The following RGS6 variants were observed in gnomAD, a reference collection of about 807,000 sequenced individuals.
RGS6 encodes regulator of G-protein signaling 6.
A neutral mutation model predicts 78.5 loss-of-function variants in RGS6; 30 were observed. The ratio of observed to expected loss-of-function variants is 0.38; its 90% CI spans 0.29 to 0.52. RGS6 has a LOEUF of 0.52. Among genes scored for constraint, RGS6 ranks in the 20% least tolerant of loss-of-function variants. The pLI is 0.85. For missense variants in RGS6, 495 were observed against 609.7 expected (o/e 0.81, Z 1.98); for synonymous variants, 206 against 206.0 (o/e 1.00, Z 0.00).
intron 2 of RGS6, among the ~76,000 whole-genome samples, chr14:72,000,969 T>TCA (rs1325276899): frequency 6.6e-6 from 1 of 152,232 alleles, no homozygotes; most frequent in African/African-American, 2.4e-5. Context: ...GAATATATCC[T>TCA]GATTTCTCCC....
intron 3 of RGS6, among the ~76,000 whole-genome samples, chr14:72,353,746 G>A (rs968250003): frequency 5.9e-5 from 9 of 152,268 alleles, no homozygotes; most frequent in East Asian, 1.9e-4. Context: ...ACTTTAGGAG[G>A]CTGAGGTAGG....
chr14:72,317,686 T>A (rs1032815679), intron 2 of RGS6, among the ~76,000 whole-genome samples: 1 of 152,198 alleles, frequency 6.6e-6, no homozygotes, highest in African/African-American at 2.4e-5. Flanking sequence ...GAGTCTGTTA[T>A]AAGCTTTGAT....
At chr14:72,179,886 C>T (rs1222663199) in intron 2 of RGS6, among the ~76,000 whole-genome samples, 1 of 152,092 alleles carries the variant, frequency 6.6e-6, no homozygotes, top group Non-Finnish European at 1.5e-5. Flanking sequence ...ATGAGCCTAC[C>T]AGATGATTCT....
the RGS6 span, among the ~76,000 whole-genome samples, chr14:71,899,156 A>C: frequency 1.3e-5 from 2 of 152,134 alleles, no homozygotes; most frequent in Non-Finnish European, 2.9e-5. Flanking sequence ...ATATTTAAAA[A>C]CCACACAGGT....
At chr14:72,620,779 C>A in the RGS6 span, among the ~76,000 whole-genome samples, 1 of 152,214 alleles carries the variant, frequency 6.6e-6, no homozygotes, top group African/African-American at 2.4e-5. Flanking sequence ...GGTACTTTCC[C>A]TTTCTGTGAC....
At chr14:72,014,355 G>A (rs2153232813) in intron 2 of RGS6, among the ~76,000 whole-genome samples, 2 of 152,286 alleles carry the variant, frequency 1.3e-5, no homozygotes, top group South Asian at 2.1e-4. Context: ...TTCCATTGAT[G>A]TTGCTATTGC....
chr14:72,278,325 C>T (rs1165840098), intron 2 of RGS6, among the ~76,000 whole-genome samples: 2 of 152,214 alleles, frequency 1.3e-5, no homozygotes, highest in East Asian at 3.9e-4. Context: ...TTTACAGGCT[C>T]ATGGTGAGGG....
intron 2 of RGS6, among the ~76,000 whole-genome samples, chr14:72,068,057 G>A: frequency 6.6e-6 from 1 of 152,132 alleles, no homozygotes; most frequent in East Asian, 1.9e-4. Flanking sequence ...ATGCTGATGG[G>A]GGGATACTTT....
intron 2 of RGS6, among the ~76,000 whole-genome samples, chr14:72,059,736 A>T (rs908815511): frequency 6.6e-6 from 1 of 152,054 alleles, no homozygotes; most frequent in Non-Finnish European, 1.5e-5. Flanking sequence ...GACCCTCTTG[A>T]TGGGATTCAT....
chr14:72,002,380 G>T (rs1208363503), intron 2 of RGS6, among the ~76,000 whole-genome samples: 1 of 152,188 alleles, frequency 6.6e-6, no homozygotes, highest in Non-Finnish European at 1.5e-5. Flanking sequence ...GCTTTGAGTG[G>T]CATTTTAGAC....
At position 72,548,344 on chromosome 14, in the gene RGS6, C is replaced by CGCGCGTGTGTGTGTGTGTGT. The variant is rs1555467743; in HGVS notation, c.1422+8252_1422+8271dup. 8.8e-4 allele frequency among the ~76,000 whole-genome samples: 87 copies of CGCGCGTGTGTGTGTGTGTGT among 98,658 alleles called. 1 individual carries two copies. Among genetic ancestry groups the CGCGCGTGTGTGTGTGTGTGT allele is most frequent in the Admixed American group, 4.1e-3 (40 of 9,872 alleles). 64.7% of individuals were successfully genotyped at this position (98,658 alleles called of 152,430 possible). A position where few individuals can be genotyped will look rare whatever the true frequency, so the allele number is the denominator to read the frequency against. ...GATCATATTTGTGTGTGTGTGTGTG[C>CGCGCGTGTGTGTGTGTGTGT]GCGCGTGTGTGTGTGTGTGTGTGTG... is the stretch of plus-strand genomic sequence containing the variant. On this transcript the variant is annotated intron_variant, in intron 17 of 17. Coordinates refer to ENST00000553525, the MANE Select transcript of RGS6 (RefSeq NM_001204424.2).
chr14:72,355,005 C>A (rs12892244), intron 3 of RGS6, among the ~76,000 whole-genome samples: 27,536 of 151,920 alleles, frequency 0.18, 2,837 homozygotes, highest in East Asian at 0.48. Context: ...ATTTCACAGG[C>A]CACACTGATC....
chr14:72,142,256 A>C (rs758105330), intron 2 of RGS6, among the ~76,000 whole-genome samples: 2 of 152,066 alleles, frequency 1.3e-5, no homozygotes, highest in Non-Finnish European at 2.9e-5. Flanking sequence ...TTTTGGTAAC[A>C]ATGTATTCTT....
the RGS6 span, among the ~76,000 whole-genome samples, chr14:72,583,313 A>G: frequency 3.5e-4 from 54 of 152,264 alleles, no homozygotes; most frequent in African/African-American, 1.2e-3. Context: ...CCCCTAATAA[A>G]TCCTCTCTCA....
At chr14:72,591,732 T>C in the RGS6 span, among the ~76,000 whole-genome samples, 1 of 152,210 alleles carries the variant, frequency 6.6e-6, no homozygotes, top group Non-Finnish European at 1.5e-5. Flanking sequence ...CCTTGTTGTG[T>C]GGCAGACCAG....
chr14:72,558,077 A>C (rs1169034183), intron 17 of RGS6, among the ~76,000 whole-genome samples: 1 of 152,102 alleles, frequency 6.6e-6, no homozygotes, highest in Non-Finnish European at 1.5e-5. Flanking sequence ...AAGTGTATGC[A>C]CCCGTGTAAC....
chr14:72,516,060 C>T (rs2096938824), intron 14 of RGS6, among the ~76,000 whole-genome samples: 6 of 152,256 alleles, frequency 3.9e-5, no homozygotes, highest in Admixed American at 3.9e-4. Flanking sequence ...GTCTGCCTAG[C>T]ATGGGGCTGA....
At chr14:72,258,496 T>C (rs1434670302) in intron 2 of RGS6, among the ~76,000 whole-genome samples, 2 of 152,192 alleles carry the variant, frequency 1.3e-5, no homozygotes, top group Non-Finnish European at 2.9e-5. Context: ...TGACTTTGGG[T>C]GACACTCTCT....
At chr14:71,993,890 A>G (rs898879453) in intron 2 of RGS6, among the ~76,000 whole-genome samples, 3 of 151,860 alleles carry the variant, frequency 2.0e-5, no homozygotes, top group Non-Finnish European at 2.9e-5. Context: ...TCTCTTGAGG[A>G]CCACCAAATT....
Sources: gnomAD v4.1 joint callset for allele counts (sites outside exome capture counted in the v4.1 genomes callset) on GRCh38, gnomAD v4.1.1 for gene constraint, MANE v1.5 for transcripts, NCBI Gene and HGNC (gene_info 2026-07-23, HGNC 2026-07-21) for gene names.